Variants in C8orf34 observed in about 807,000 individuals in gnomAD.
The protein encoded by C8orf34 is chromosome 8 open reading frame 34.
C8orf34 carries 65 observed loss-of-function variants against 68.3 expected under a neutral mutation model. The observed-to-expected ratio is 0.95, with a 90% CI of 0.78 to 1.17. C8orf34 has a LOEUF of 1.17. Among genes scored for constraint, C8orf34 ranks in the 50% most tolerant of loss-of-function variants. The pLI is 0.00. For missense variants in C8orf34, 664 were observed against 655.4 expected (o/e 1.01, Z -0.14); for synonymous variants, 244 against 241.2 (o/e 1.01, Z -0.11).
chr8:68,809,193 T>C (rs1423646135), intron 12 of C8orf34, among the ~76,000 whole-genome samples: 2 of 152,220 alleles, frequency 1.3e-5, no homozygotes, highest in Non-Finnish European at 2.9e-5. Context: ...AACTACATGA[T>C]AGTAAAGGCA....
intron 8 of C8orf34, among the ~76,000 whole-genome samples, chr8:68,672,899 G>T (rs1236801477): frequency 6.6e-6 from 1 of 152,186 alleles, no homozygotes; most frequent in Non-Finnish European, 1.5e-5. Context: ...GAAGAATAAA[G>T]AATAATTTGT....
At chr8:68,375,612 A>C (rs1807758593) in intron 1 of C8orf34, among the ~76,000 whole-genome samples, 1 of 152,226 alleles carries the variant, frequency 6.6e-6, no homozygotes, top group Non-Finnish European at 1.5e-5. Flanking sequence ...AAGACAAGAC[A>C]ATCTTTCAAT....
At chr8:68,399,314 C>T (rs1020622659) in intron 1 of C8orf34, among the ~76,000 whole-genome samples, 41 of 152,076 alleles carry the variant, frequency 2.7e-4, no homozygotes, top group Non-Finnish European at 5.3e-4. Context: ...CCCCGTTCTA[C>T]CCTCCCACCT....
intron 1 of C8orf34, among the ~76,000 whole-genome samples, chr8:68,414,800 T>A (rs1471607058): frequency 6.6e-6 from 1 of 152,126 alleles, no homozygotes; most frequent in African/African-American, 2.4e-5. Flanking sequence ...ATGGTGATGA[T>A]CTCTTTTGTG....
At chr8:68,731,558 T>C (rs531827589) in intron 10 of C8orf34, among the ~76,000 whole-genome samples, 2 of 152,336 alleles carry the variant, frequency 1.3e-5, no homozygotes, top group South Asian at 4.1e-4. Flanking sequence ...ACATTCTGCT[T>C]TTCTTTAATT....
intron 1 of C8orf34, among the ~76,000 whole-genome samples, chr8:68,338,036 G>A (rs1403329833): frequency 2.0e-5 from 3 of 152,162 alleles, no homozygotes; most frequent in Non-Finnish European, 4.4e-5. Context: ...AGTCAATGAT[G>A]TGTTTTCTTA....
intron 8 of C8orf34, among the ~76,000 whole-genome samples, chr8:68,671,667 T>G (rs1426112248): frequency 2.6e-5 from 4 of 152,222 alleles, no homozygotes; most frequent in African/African-American, 9.6e-5. Flanking sequence ...AAAATTAAGT[T>G]TTCTTATTTT....
intron 5 of C8orf34, among the ~76,000 whole-genome samples, chr8:68,517,877 A>G (rs530922270): frequency 6.6e-6 from 1 of 152,336 alleles, no homozygotes; most frequent in East Asian, 1.9e-4. Flanking sequence ...GAGATTAATA[A>G]CATTGAATTA....
chr8:68,479,576 T>C (rs746426569), intron 4 of C8orf34, among the ~76,000 whole-genome samples: 1 of 152,074 alleles, frequency 6.6e-6, no homozygotes, highest in Admixed American at 6.5e-5. Context: ...AGATGGAGGT[T>C]GGGGATGGAG....
chr8:68,512,417 C>A (rs1317363171), intron 5 of C8orf34, among the ~76,000 whole-genome samples: 1 of 152,042 alleles, frequency 6.6e-6, no homozygotes, highest in African/African-American at 2.4e-5. Context: ...CCCTTTGAAC[C>A]ATTCAAAAAG....
chr8:68,511,251 G>A (rs1051938762), intron 5 of C8orf34, among the ~76,000 whole-genome samples: 15 of 152,168 alleles, frequency 9.9e-5, no homozygotes, highest in African/African-American at 3.6e-4. Context: ...GCGCCTCGTG[G>A]ATGGAGCAAT....
rs905865318 is a variant in C8orf34, at chr8:68,340,175, C to T, written c.327+8836C>T. 5.3e-5 allele frequency among the ~76,000 whole-genome samples: 8 copies of T among 152,008 alleles called. No individual in the cohort carries two copies. The East Asian group carries it at 1.4e-3, about 26-fold the overall frequency. ...ACTGACAGTGGGAATGCAAAATGGT[C>T]CAACCACTTTGGAAAAAAGTTTGGC... is the stretch of plus-strand genomic sequence containing the variant. On this transcript the variant is annotated intron_variant, in intron 1 of 13. Coordinates refer to ENST00000518698, the MANE Select transcript of C8orf34 (RefSeq NM_052958.4).
chr8:68,443,743 T>C (rs935058381), intron 2 of C8orf34, among the ~76,000 whole-genome samples: 1 of 152,198 alleles, frequency 6.6e-6, no homozygotes, highest in Non-Finnish European at 1.5e-5. Flanking sequence ...CGTCTCAATA[T>C]TCAAAGTACA....
intron 9 of C8orf34, among the ~76,000 whole-genome samples, chr8:68,716,715 C>T (rs1242974656): frequency 3.3e-5 from 5 of 151,846 alleles, no homozygotes; most frequent in Non-Finnish European, 7.4e-5. Flanking sequence ...GAAAAGTTTT[C>T]CATTATCTTA....
chr8:68,404,154 G>A (rs1166594356), intron 1 of C8orf34, among the ~76,000 whole-genome samples: 1 of 151,954 alleles, frequency 6.6e-6, no homozygotes, highest in Non-Finnish European at 1.5e-5. Context: ...TCATATGTTT[G>A]TTGGCCGTAT....
At chr8:68,338,207 T>G (rs1805930058) in intron 1 of C8orf34, among the ~76,000 whole-genome samples, 1 of 152,182 alleles carries the variant, frequency 6.6e-6, no homozygotes, top group Non-Finnish European at 1.5e-5. Flanking sequence ...GTATGAAGCC[T>G]CTTTTAAAAG....
chr8:68,624,618 T>A (rs897090494), intron 7 of C8orf34, among the ~76,000 whole-genome samples: 1 of 152,214 alleles, frequency 6.6e-6, no homozygotes, highest in Non-Finnish European at 1.5e-5. Context: ...TATCATGGTG[T>A]TGTGATCATT....
At chr8:68,711,944 A>G (rs1205895968) in intron 9 of C8orf34, among the ~76,000 whole-genome samples, 2 of 152,208 alleles carry the variant, frequency 1.3e-5, no homozygotes, top group Non-Finnish European at 2.9e-5. Context: ...CAAAAGCATC[A>G]GGTAACCTAT....
chr8:68,461,330 G>C (rs1052605627), intron 3 of C8orf34, among the ~76,000 whole-genome samples: 2 of 152,238 alleles, frequency 1.3e-5, no homozygotes, highest in African/African-American at 4.8e-5. Flanking sequence ...GTACCTGAAA[G>C]TGACAGGGAG....
Sources: gnomAD v4.1 joint callset for allele counts (sites outside exome capture counted in the v4.1 genomes callset) on GRCh38, gnomAD v4.1.1 for gene constraint, MANE v1.5 for transcripts, NCBI Gene and HGNC (gene_info 2026-07-23, HGNC 2026-07-21) for gene names.